The following PLPP4 variants were observed in gnomAD, a reference collection of about 807,000 sequenced individuals.
PLPP4 encodes phospholipid phosphatase 4, also known as diacylglycerol pyrophosphate like 2.
Under a neutral mutation model 32.2 loss-of-function variants are expected in PLPP4, and 20 were observed. That is an observed-to-expected ratio of 0.62 (90% CI 0.44 to 0.90). The LOEUF is 0.90. Ranked by LOEUF, PLPP4 falls within the 40% of genes least tolerant of loss-of-function variation. The probability of loss-of-function intolerance (pLI) is 0.00; values close to 1 mark genes in which losing one functional copy is unlikely to be tolerated. For synonymous variants in PLPP4, 127 were observed against 133.0 expected (o/e 0.95, Z 0.31); for missense variants, 257 against 353.1 (o/e 0.73, Z 2.18).
intron 5 of PLPP4, among the ~76,000 whole-genome samples, chr10:120,532,823 G>A (rs562854014): frequency 1.3e-5 from 2 of 152,030 alleles, no homozygotes; most frequent in African/African-American, 2.4e-5. Context: ...TTATTGCTCA[G>A]TAATCTTTTA....
At chr10:120,473,867 C>G (rs913552466) in intron 1 of PLPP4, among the ~76,000 whole-genome samples, 2 of 152,290 alleles carry the variant, frequency 1.3e-5, no homozygotes, top group Admixed American at 6.5e-5. Context: ...CAGCCATGCT[C>G]CCTGTACAGT....
At chr10:120,475,772 A>T (rs1296632613) in intron 1 of PLPP4, among the ~76,000 whole-genome samples, 1 of 152,182 alleles carries the variant, frequency 6.6e-6, no homozygotes, top group African/African-American at 2.4e-5. Flanking sequence ...TGTTTTTTCT[A>T]TGAAGACCAG....
At chr10:120,477,140 T>C (rs913903772) in intron 1 of PLPP4, among the ~76,000 whole-genome samples, 1 of 152,006 alleles carries the variant, frequency 6.6e-6, no homozygotes, top group African/African-American at 2.4e-5. Flanking sequence ...CGGACGAAGC[T>C]TGATTAATTA....
chr10:120,511,738 C>G (rs1344725590), intron 2 of PLPP4, among the ~76,000 whole-genome samples: 1 of 152,146 alleles, frequency 6.6e-6, no homozygotes, highest in African/African-American at 2.4e-5. Flanking sequence ...ATGCATGAGA[C>G]AAAAGTCTAA....
chr10:120,586,186 G>A (rs1849748827), intron 6 of PLPP4, among the ~76,000 whole-genome samples: 1 of 149,708 alleles, frequency 6.7e-6, no homozygotes, highest in South Asian at 2.1e-4. Context: ...CTGGGCTGGA[G>A]CGCAGTGGTA....
intron 1 of PLPP4, among the ~76,000 whole-genome samples, chr10:120,461,644 G>A (rs1848053379): frequency 6.6e-6 from 1 of 152,210 alleles, no homozygotes; most frequent in South Asian, 2.1e-4. Flanking sequence ...CCAGGCACAG[G>A]GGATGAGAGG....
intron 1 of PLPP4, among the ~76,000 whole-genome samples, chr10:120,461,538 C>A (rs916708815): frequency 1.3e-5 from 2 of 152,182 alleles, no homozygotes; most frequent in African/African-American, 4.8e-5. Context: ...CCCCTAGGAG[C>A]TGCTTAGGAT....
intron 6 of PLPP4, among the ~76,000 whole-genome samples, chr10:120,583,934 G>A (rs545551914): frequency 6.6e-6 from 1 of 152,198 alleles, no homozygotes; most frequent in Non-Finnish European, 1.5e-5. Flanking sequence ...GCCAGAGAGA[G>A]AGCAGGTCCC....
chr10:120,563,017 A>G (rs943749139), intron 5 of PLPP4, among the ~76,000 whole-genome samples: 30 of 152,226 alleles, frequency 2.0e-4, no homozygotes, highest in African/African-American at 7.2e-4. Flanking sequence ...AGGCGGGTGG[A>G]TCACCTGAGG....
At chr10:120,575,546 G>C (rs971241423) in intron 6 of PLPP4, among the ~76,000 whole-genome samples, 7 of 152,182 alleles carry the variant, frequency 4.6e-5, no homozygotes, top group African/African-American at 1.4e-4. Flanking sequence ...CTTGAGTCCT[G>C]CCAGAATGTC....
intron 5 of PLPP4, among the ~76,000 whole-genome samples, chr10:120,552,220 T>G (rs1255420104): frequency 1.4e-5 from 2 of 142,590 alleles, no homozygotes; most frequent in Non-Finnish European, 3.2e-5. Context: ...TGTTATGTTT[T>G]GTGAAGTCCA....
chr10:120,556,730 G>T (rs1848180418), intron 5 of PLPP4, among the ~76,000 whole-genome samples: 1 of 152,292 alleles, frequency 6.6e-6, no homozygotes, highest in East Asian at 1.9e-4. Flanking sequence ...GATCCCATTT[G>T]CAGGTGAGAA....
intron 5 of PLPP4, among the ~76,000 whole-genome samples, chr10:120,574,168 ACTCTCT>A (rs58917160): frequency 0.019 from 866 of 46,632 alleles, 4 homozygotes; most frequent in African/African-American, 0.034. Flanking sequence ...ACACACACAC[ACTCTCT>A]CTCTCTCTCT....
chr10:120,555,691 A>G (rs1023550999), intron 5 of PLPP4, among the ~76,000 whole-genome samples: 2 of 150,778 alleles, frequency 1.3e-5, no homozygotes, highest in African/African-American at 5.0e-5. Context: ...GAATGAATGC[A>G]TGAATGAATG....
chr10:120,477,114 A>G (rs1843961050), intron 1 of PLPP4, among the ~76,000 whole-genome samples: 1 of 152,184 alleles, frequency 6.6e-6, no homozygotes, highest in Non-Finnish European at 1.5e-5. Context: ...ACCAATGTAA[A>G]AAACATCAAG....
At chr10:120,585,079 CAA>C (rs1381668349) in intron 6 of PLPP4, among the ~76,000 whole-genome samples, 1 of 152,180 alleles carries the variant, frequency 6.6e-6, no homozygotes, top group Non-Finnish European at 1.5e-5. Context: ...GTCAGTGGCT[CAA>C]CTGCAGATGT....
Position 120,514,136 on chromosome 10 carries a change from A to G in PLPP4, c.256+135A>G, listed in dbSNP as rs561752771. ...AAGCTGGGGAGGAACAAGATAAGATAAAGATAAACTTTAAGCCCAAAGAAG... is the reference window on the plus strand; with the variant it reads ...AAGCTGGGGAGGAACAAGATAAGATGAAGATAAACTTTAAGCCCAAAGAAG... On this transcript the variant is annotated intron_variant, in intron 3 of 6. Transcript: ENST00000398250. 2.1e-5 allele frequency: 16 copies of G among 744,838 alleles called. No individual in the cohort carries two copies. In the African/African-American group the frequency reaches 2.6e-4, roughly 12 times the overall value. The allele number at this position is 744,838 out of a possible 1,614,324, so 46.1% of individuals were successfully genotyped here.
chr10:120,462,005 G>A (rs1463751694), intron 1 of PLPP4, among the ~76,000 whole-genome samples: 2 of 152,186 alleles, frequency 1.3e-5, no homozygotes, highest in African/African-American at 2.4e-5. Flanking sequence ...ACCTCTAAGA[G>A]CCCAGTGTAA....
intron 5 of PLPP4, among the ~76,000 whole-genome samples, chr10:120,574,040 G>A (rs1324966064): frequency 6.6e-6 from 1 of 151,672 alleles, no homozygotes; most frequent in Non-Finnish European, 1.5e-5. Flanking sequence ...GGATTAGACT[G>A]GTGTCCAGAG....
Sources: gnomAD v4.1 joint callset for allele counts (sites outside exome capture counted in the v4.1 genomes callset) on GRCh38, gnomAD v4.1.1 for gene constraint, MANE v1.5 for transcripts, NCBI Gene and HGNC (gene_info 2026-07-23, HGNC 2026-07-21) for gene names.